COX7B2: variants seen among roughly 807,000 people sequenced by gnomAD.
The protein encoded by COX7B2 is cytochrome c oxidase subunit 7B2.
For missense variants in COX7B2, 109 were observed against 95.9 expected (o/e 1.14, Z -0.57); for synonymous variants, 37 against 32.1 (o/e 1.15, Z -0.51).
At chr4:46,871,787 C>T (rs1169472996) in intron 1 of COX7B2, among the ~76,000 whole-genome samples, 1 of 151,990 alleles carries the variant, frequency 6.6e-6, no homozygotes, top group African/African-American at 2.4e-5. Context: ...GAGATACTTC[C>T]TTCCACCAGT....
intron 1 of COX7B2, chr4:46,903,892 C>G (rs1398231858): frequency 6.6e-6 from 1 of 152,114 alleles, no homozygotes; most frequent in Non-Finnish European, 1.5e-5. Flanking sequence ...ATGCATTTTT[C>G]AGAACATATA....
At chr4:46,774,951 C>T (rs1227382012) in intron 2 of COX7B2, among the ~76,000 whole-genome samples, 1 of 152,062 alleles carries the variant, frequency 6.6e-6, no homozygotes. Flanking sequence ...CTTATACTTA[C>T]TTTAATATAT....
At chr4:46,821,603 C>T (rs541385180) in intron 2 of COX7B2, among the ~76,000 whole-genome samples, 1 of 152,170 alleles carries the variant, frequency 6.6e-6, no homozygotes, top group South Asian at 2.1e-4. Context: ...AGTAATGTGG[C>T]TATTAATACC....
intron 2 of COX7B2, among the ~76,000 whole-genome samples, chr4:46,815,055 G>A (rs959834253): frequency 2.0e-5 from 3 of 151,964 alleles, no homozygotes; most frequent in Non-Finnish European, 4.4e-5. Context: ...GCGTGGTGGT[G>A]CATGCCTGTA....
rs529205062 is a variant in COX7B2 at position 46,797,476 on chromosome 4, A to T, written c.-50+47484T>A. Among the ~76,000 whole-genome samples, 114 of 152,338 alleles carry T rather than the reference A, an allele frequency of 7.5e-4. 1 individual carries two copies. Among genetic ancestry groups the T allele is most frequent in the Non-Finnish European group, 1.2e-3 (82 of 68,022 alleles). Reference sequence around the variant, plus strand: ...TCTGGAATGTACAATTGGAACGGATATGCTCAGCAGCAGGCCGAATTCCTT... The same window carrying T: ...TCTGGAATGTACAATTGGAACGGATTTGCTCAGCAGCAGGCCGAATTCCTT... On this transcript the variant is annotated intron_variant, in intron 2 of 2. Coordinates refer to ENST00000355591, the MANE Select transcript of COX7B2 (RefSeq NM_130902.3).
chr4:46,764,478 G>A (rs1716407676), intron 2 of COX7B2, among the ~76,000 whole-genome samples: 1 of 152,052 alleles, frequency 6.6e-6, no homozygotes. Context: ...GGGAGGCGGA[G>A]GTTGCAGTGA....
intron 2 of COX7B2, among the ~76,000 whole-genome samples, chr4:46,793,112 G>A (rs911044790): frequency 2.6e-5 from 4 of 152,194 alleles, no homozygotes; most frequent in Admixed American, 6.5e-5. Context: ...GATTTCTCTT[G>A]TAGACTAAGA....
At chr4:46,758,714 A>C (rs1227010476) in intron 2 of COX7B2, among the ~76,000 whole-genome samples, 1 of 152,156 alleles carries the variant, frequency 6.6e-6, no homozygotes, top group Non-Finnish European at 1.5e-5. Flanking sequence ...CAAAGAAATA[A>C]GCATAGGAGC....
chr4:46,859,614 A>C (rs1371329285), intron 1 of COX7B2, among the ~76,000 whole-genome samples: 4 of 152,228 alleles, frequency 2.6e-5, no homozygotes, highest in Non-Finnish European at 5.9e-5. Context: ...TCAACAATAC[A>C]TAACCTTGAG....
chr4:46,881,149 A>C (rs1019192097), intron 1 of COX7B2, among the ~76,000 whole-genome samples: 1 of 152,144 alleles, frequency 6.6e-6, no homozygotes, highest in Admixed American at 6.5e-5. Flanking sequence ...TTATTTTGCC[A>C]AGGTTGAGGA....
chr4:46,785,774 G>T (rs931160862), intron 2 of COX7B2, among the ~76,000 whole-genome samples: 2 of 152,032 alleles, frequency 1.3e-5, no homozygotes, highest in African/African-American at 4.8e-5. Context: ...GAATAGAGAA[G>T]GGGAGCAACC....
chr4:46,887,191 A>G (rs2109861292), intron 1 of COX7B2, among the ~76,000 whole-genome samples: 1 of 152,308 alleles, frequency 6.6e-6, no homozygotes, highest in African/African-American at 2.4e-5. Flanking sequence ...ATACATTTTC[A>G]TGTACATTTT....
chr4:46,827,324 C>T (rs1316262955), intron 2 of COX7B2, among the ~76,000 whole-genome samples: 2 of 151,944 alleles, frequency 1.3e-5, no homozygotes, highest in Non-Finnish European at 2.9e-5. Context: ...TCATAGTCGA[C>T]TTATGAAAGC....
chr4:46,796,214 C>T (rs1718330312), intron 2 of COX7B2, among the ~76,000 whole-genome samples: 1 of 146,134 alleles, frequency 6.8e-6, no homozygotes, highest in South Asian at 2.1e-4. Context: ...CCTGATTGCC[C>T]TGGCCAGAAC....
chr4:46,906,496 T>C (rs923347238), intron 1 of COX7B2, among the ~76,000 whole-genome samples: 1 of 152,262 alleles, frequency 6.6e-6, no homozygotes, highest in African/African-American at 2.4e-5. Flanking sequence ...AGCTATGTAA[T>C]CAACTTAGGA....
chr4:46,895,843 T>C (rs1342509854), intron 1 of COX7B2, among the ~76,000 whole-genome samples: 2 of 152,150 alleles, frequency 1.3e-5, no homozygotes, highest in Non-Finnish European at 2.9e-5. Flanking sequence ...GCAAAATAAC[T>C]TCGCTAGAAA....
chr4:46,773,722 A>C (rs530151070), intron 2 of COX7B2, among the ~76,000 whole-genome samples: 1 of 152,286 alleles, frequency 6.6e-6, no homozygotes, highest in African/African-American at 2.4e-5. Context: ...TTTTTTAGAA[A>C]GAAGCTGAGC....
chr4:46,860,715 T>C (rs1717287012), intron 1 of COX7B2, among the ~76,000 whole-genome samples: 1 of 152,202 alleles, frequency 6.6e-6, no homozygotes, highest in Non-Finnish European at 1.5e-5. Context: ...TATTTTTCCA[T>C]GGGTCCTTTT....
chr4:46,905,954 C>G (rs10020058), intron 1 of COX7B2, among the ~76,000 whole-genome samples: 40,273 of 149,468 alleles, frequency 0.27, 5,755 homozygotes, highest in East Asian at 0.37. Flanking sequence ...CTCAGCCTCC[C>G]GAGTAGCTGG....
Sources: gnomAD v4.1 joint callset for allele counts (sites outside exome capture counted in the v4.1 genomes callset) on GRCh38, gnomAD v4.1.1 for gene constraint, MANE v1.5 for transcripts, NCBI Gene and HGNC (gene_info 2026-07-23, HGNC 2026-07-21) for gene names.